PLEKHG4B: variants seen among roughly 807,000 people sequenced by gnomAD.
PLEKHG4B encodes pleckstrin homology and RhoGEF domain containing G4B.
PLEKHG4B carries 111 observed loss-of-function variants against 121.3 expected under a neutral mutation model. The observed-to-expected ratio is 0.92, with a 90% CI of 0.78 to 1.07. PLEKHG4B has a LOEUF of 1.07. PLEKHG4B is among the 50% of genes least tolerant of loss of function. PLEKHG4B has a pLI of 0.00. For missense variants in PLEKHG4B, 1,831 were observed against 1,757.8 expected (o/e 1.04, Z -0.74); for synonymous variants, 738 against 725.0 (o/e 1.02, Z -0.29).
intron 13 of PLEKHG4B, among the ~76,000 whole-genome samples, chr5:165,196 G>A (rs1425551706): frequency 1.8e-5 from 1 of 55,304 alleles, no homozygotes; most frequent in Admixed American, 1.5e-4. Context: ...CTCCTCTGAC[G>A]GGGCGGAGCT....
rs1736726229 is a variant in PLEKHG4B, at chr5:175,367, G to C, written c.4402+1269G>C. On this transcript the variant is annotated intron_variant, in intron 18 of 19. Transcript: ENST00000637938. ...GTGACTCTCTGTGCTTATTCCTCCA[G>C]CCTGGCGGCTGCGAACACCACCTTC... Among the ~76,000 whole-genome samples the C allele has an allele frequency of 2.0e-5, 3 of 152,120 alleles. No individual in the cohort carries two copies. In the South Asian group the frequency reaches 6.2e-4, roughly 32 times the overall value.
rs1198591747 is a variant in PLEKHG4B at position 164,667 on chromosome 5, CTA to C, written c.3476+1120_3476+1121del. Among the ~76,000 whole-genome samples the C allele has an allele frequency of 1.8e-5, 2 of 111,082 alleles. 1 individual carries two copies. The highest frequency in any genetic ancestry group is 5.2e-4 in the East Asian group (2 of 3,824). 72.9% of individuals were successfully genotyped at this position (111,082 alleles called of 152,430 possible). ...AATGCTCTGACGGGCGGAGCTCACA[CTA>C]ATACTCTGACAGGGGGCGGAGCTCA... On this transcript the variant is annotated intron_variant, in intron 13 of 19. Transcript: ENST00000637938.
intron 1 of PLEKHG4B, among the ~76,000 whole-genome samples, chr5:101,981 G>A (rs111802715): frequency 2.9e-3 from 168 of 58,414 alleles, no homozygotes; most frequent in South Asian, 3.8e-3. Context: ...AAGCCCTGGA[G>A]AAAGTCTATA....
rs1265396799 is a variant in PLEKHG4B at position 169,523 on chromosome 5, G to T, written c.3660G>T (p.Gln1220His). 2 of 1,613,998 alleles carry T rather than the reference G, an allele frequency of 1.2e-6. No individual in the cohort carries two copies. The highest frequency in any genetic ancestry group is 1.7e-6 in the Non-Finnish European group (2 of 1,180,060). The change falls in exon 14 of 20, where the codon CAG becomes CAT. Residue 1220 changes from glutamine to histidine, a missense_variant. Coordinates refer to ENST00000637938, the MANE Select transcript of PLEKHG4B (RefSeq NM_052909.5). ...AGAAGCTCCACGACTTCCACCAGCA[G>T]CACTTCCTCCGGGAGCTGGAGCGCT... ...NLEKLHDFHQ[Q>H]HFLRELERCQ...
At chr5:163,665 T>C in intron 13 of PLEKHG4B, 117 bp downstream of exon 13, 1 of 858,190 alleles carries the variant, frequency 1.2e-6, no homozygotes, top group South Asian at 1.8e-5. Context: ...CAGACATCCC[T>C]CTGGGTCCAC....
In PLEKHG4B at chr5:140,673, A is replaced by G. The variant is rs12516245; in HGVS notation, c.1434A>G (p.Pro478=). The change falls in exon 3 of 20, where the codon CCA becomes CCG. Residue 478 remains proline (P), a synonymous_variant. Transcript: ENST00000637938. ...GHLGGQAVGT[P]NCVPVEGPGC... ...TAGGAGGACAAGCTGTGGGGACCCC[A>G]AACTGTGTCCCAGTAGAGGGTCCCG... 200,076 of 1,601,942 alleles carry G rather than the reference A, an allele frequency of 0.12. 15,392 individuals are homozygous for G. Among genetic ancestry groups the G allele is most frequent in the African/African-American group, 0.35 (26,172 of 74,332 alleles).
rs1392725891 is a variant in PLEKHG4B at position 139,236 on chromosome 5, C to T, written c.244-247C>T. Among the ~76,000 whole-genome samples the T allele has an allele frequency of 6.6e-6, 1 of 152,210 alleles. No individual in the cohort carries two copies. The highest frequency in any genetic ancestry group is 1.5e-5 in the Non-Finnish European group (1 of 68,032). On this transcript the variant is annotated intron_variant, in intron 2 of 19. Coordinates refer to ENST00000637938, the MANE Select transcript of PLEKHG4B (RefSeq NM_052909.5). The surrounding 1 kb of genome is among the most constrained non-coding windows in gnomAD (Gnocchi z 5.0). Reference sequence around the variant, plus strand: ...CCTCTCCCCTGTCCTGCCCACCTACCCCCAGCCTCCAGGAAGAGCTATACA... The same window carrying T: ...CCTCTCCCCTGTCCTGCCCACCTACTCCCAGCCTCCAGGAAGAGCTATACA...
At position 140,277 on chromosome 5, in the gene PLEKHG4B, G is replaced by A. The variant is rs1735117450; in HGVS notation, c.1038G>A (p.Val346=). The part of the protein sequence containing the change: ...RRRPPGDPTC[V]QPRRWFRESY... ...GGCCGCCGGGGGACCCCACTTGTGT[G>A]CAGCCTAGACGCTGGTTCAGGGAGT... The change falls in exon 3 of 20, where the codon GTG becomes GTA. Residue 346 remains valine, a synonymous_variant. Coordinates refer to ENST00000637938, the MANE Select transcript of PLEKHG4B (RefSeq NM_052909.5). 2 of 1,463,544 alleles carry A rather than the reference G, an allele frequency of 1.4e-6. No individual in the cohort carries two copies. The highest frequency in any genetic ancestry group is 1.8e-6 in the Non-Finnish European group (2 of 1,107,226). The allele number at this position is 1,463,544 out of a possible 1,614,324, so 90.7% of individuals were successfully genotyped here.
intron 1 of PLEKHG4B, among the ~76,000 whole-genome samples, chr5:96,335 A>G (rs1733625649): frequency 6.6e-6 from 1 of 152,234 alleles, no homozygotes; most frequent in Non-Finnish European, 1.5e-5. Context: ...AGATTTTTCT[A>G]GAAGTAAGGA....
At chr5:169,218 A>G (rs905658079) in intron 13 of PLEKHG4B, 122 bp from the exon 14 acceptor site, 76 of 1,350,902 alleles carry the variant, frequency 5.6e-5, no homozygotes, top group Non-Finnish European at 7.0e-5. Flanking sequence ...ATGTGCCTCC[A>G]GTCCACATGT....
Position 156,133 on chromosome 5 carries a change from G to T in PLEKHG4B, c.2271G>T (p.Leu757=). ...TGAAGCTTGTCCTGGAAGACCCACTGCTTGTGTCTCTCAGGCTGGAGGGGG... is the reference window on the plus strand; with the variant it reads ...TGAAGCTTGTCCTGGAAGACCCACTTCTTGTGTCTCTCAGGCTGGAGGGGG... ...TMMKLVLEDP[L]LVSLRLEGGT... The change falls in exon 10 of 20, where the codon CTG becomes CTT. Residue 757 remains leucine, a synonymous_variant. Transcript: ENST00000637938. The surrounding 1 kb of genome is among the most constrained non-coding windows in gnomAD (Gnocchi z 4.4). The T allele has an allele frequency of 6.3e-7, 1 of 1,598,092 alleles. No individual in the cohort carries two copies. Among genetic ancestry groups the T allele is most frequent in the Non-Finnish European group, 8.5e-7 (1 of 1,172,358 alleles).
At chr5:177,859 C>T (rs758526384) in intron 18 of PLEKHG4B, among the ~76,000 whole-genome samples, 4 of 151,808 alleles carry the variant, frequency 2.6e-5, no homozygotes, top group African/African-American at 4.8e-5. Flanking sequence ...GGAAGTTGTA[C>T]GCATCCCCAT....
chr5:97,085 G>A (rs1182320950), intron 1 of PLEKHG4B, among the ~76,000 whole-genome samples: 2 of 145,778 alleles, frequency 1.4e-5, no homozygotes, highest in Non-Finnish European at 3.0e-5. Context: ...GGCTCCAGAT[G>A]ATTTTCCTCA....
rs948924647 is a variant in PLEKHG4B at position 154,991 on chromosome 5, G to A, written c.2109G>A (p.Gln703=). The A allele has an allele frequency of 3.7e-6, 6 of 1,609,758 alleles. No homozygotes were observed. In the African/African-American group the frequency reaches 8.0e-5, roughly 21 times the overall value. ...ATGGTGACTGGATCTGCTTCCGTCA[G>A]GTAGGTTCAGCCTGCAGCTGCTGCA... ...YSHGDWICFR[Q]RLEHFAANCE... Residue 703 remains glutamine (Q), a splice_region_variant and synonymous_variant, in exon 8 of 20, where the codon CAG becomes CAA. Coordinates refer to ENST00000637938, the MANE Select transcript of PLEKHG4B (RefSeq NM_052909.5).
chr5:129,175 C>T (rs1328746230), intron 2 of PLEKHG4B, among the ~76,000 whole-genome samples: 1 of 152,212 alleles, frequency 6.6e-6, no homozygotes, highest in Non-Finnish European at 1.5e-5. Context: ...TCTAGGTCTT[C>T]TCCTGACCCA....
rs377464175 is a variant in PLEKHG4B at position 173,981 on chromosome 5, C to T, written c.4285C>T (p.Arg1429Cys). Residue 1429 changes from arginine (R) to cysteine (C), a missense_variant, in exon 18 of 20, where the codon CGC becomes TGC. Coordinates refer to ENST00000637938, the MANE Select transcript of PLEKHG4B (RefSeq NM_052909.5). The part of the protein sequence containing the change: ...DSGLRFEIWF[R>C]RRRKSQDTYI... ...TGGCTTGAGGTTTGAGATTTGGTTT[C>T]GCAGGCGGCGGAAATCTCAGGACAC... is the stretch of plus-strand genomic sequence containing the variant. 9.3e-6 allele frequency: 15 copies of T among 1,612,056 alleles called. No homozygotes were observed. Among genetic ancestry groups the T allele is most frequent in the East Asian group, 6.7e-5 (3 of 44,758 alleles).
intron 5 of PLEKHG4B, 116 bp from the exon 6 acceptor site, chr5:144,711 C>T (rs1359835258): frequency 4.7e-6 from 4 of 845,210 alleles, no homozygotes; most frequent in Non-Finnish European, 7.5e-6. Context: ...ATAGAGAACC[C>T]CTAACTTCTA....
chr5:181,148 TC>T (rs2126467759), intron 18 of PLEKHG4B, among the ~76,000 whole-genome samples: 1 of 152,330 alleles, frequency 6.6e-6, no homozygotes, highest in East Asian at 1.9e-4. Context: ...GTTTTGTCTT[TC>T]CCATGGACAC....
At position 139,798 on chromosome 5, in the gene PLEKHG4B, G is replaced by A. The variant is rs575622145; in HGVS notation, c.559G>A (p.Val187Ile). Residue 187 changes from valine (V) to isoleucine (I), a missense_variant, in exon 3 of 20, where the codon GTC becomes ATC. Coordinates refer to ENST00000637938, the MANE Select transcript of PLEKHG4B (RefSeq NM_052909.5). The surrounding 1 kb of genome is among the most constrained non-coding windows in gnomAD (Gnocchi z 5.0). The stretch of plus-strand genomic sequence containing the variant: ...CTGCTTGCTGACCTCAGGCTTGGCC[G>A]TCCACCGAGCCCCGTGGAGCGACGT... Reference protein sequence around the residue: ...QTCLLTSGLAVHRAPWSDVTD... With the variant: ...QTCLLTSGLAIHRAPWSDVTD... The A allele has an allele frequency of 3.5e-5, 14 of 399,014 alleles. No individual in the cohort carries two copies. The highest frequency in any genetic ancestry group is 2.6e-4 in the South Asian group (2 of 7,834). 24.7% of individuals were successfully genotyped at this position (399,014 alleles called of 1,614,324 possible).
Sources: allele counts gnomAD v4.1 joint callset (sites outside exome capture counted in the v4.1 genomes callset), GRCh38; gene constraint gnomAD v4.1.1; non-coding constraint Gnocchi (gnomAD v3.1); transcripts MANE v1.5; gene names NCBI Gene and HGNC (gene_info 2026-07-23, HGNC 2026-07-21).